Variants in BLK observed in about 807,000 individuals in gnomAD.
BLK encodes BLK proto-oncogene, Src family tyrosine kinase.
A neutral mutation model predicts 61.8 loss-of-function variants in BLK; 64 were observed. That is an observed-to-expected ratio of 1.03 (90% CI 0.85 to 1.27). The LOEUF (loss-of-function observed/expected upper bound fraction) is 1.27. BLK is among the 50% of genes most tolerant of loss of function. BLK has a pLI of 0.00. For missense variants in BLK, 853 were observed against 660.5 expected (o/e 1.29, Z -3.19); for synonymous variants, 351 against 272.0 (o/e 1.29, Z -2.86).
At chr8:11,510,641 G>A (rs1271850846) in intron 1 of BLK, among the ~76,000 whole-genome samples, 1 of 151,950 alleles carries the variant, frequency 6.6e-6, no homozygotes, top group African/African-American at 2.4e-5. Flanking sequence ...CCCCCTTTCT[G>A]GGAATCCGAG....
At position 11,521,834 on chromosome 8, in the gene BLK, G is replaced by A. The variant is rs1162445781; in HGVS notation, c.-1-21390G>A. ...TCTTCATTACTGCAGCTTTTAGTAA[G>A]TGTGGACATCTAGGAGGGGACTCCT... On this transcript the variant is annotated intron_variant, in intron 1 of 12. Transcript: ENST00000259089. Among the ~76,000 whole-genome samples, 3 of 152,130 alleles carry A rather than the reference G, an allele frequency of 2.0e-5. No homozygotes were observed. In the East Asian group the frequency reaches 5.8e-4, roughly 29 times the overall value.
At chr8:11,552,389 A>G (rs888488906) in intron 6 of BLK, 1 of 152,224 alleles carries the variant, frequency 6.6e-6, no homozygotes, top group Non-Finnish European at 1.5e-5. Flanking sequence ...ACATACACAT[A>G]GATATATGCA....
chr8:11,526,135 A>G (rs1799643966), intron 1 of BLK, among the ~76,000 whole-genome samples: 2 of 152,152 alleles, frequency 1.3e-5, no homozygotes, highest in South Asian at 2.1e-4. Flanking sequence ...ACTAATGCCA[A>G]TATCTCTGAG....
In BLK at chr8:11,548,066, CGCT is replaced by C; in HGVS notation, c.211_213del (p.Ala71del). On this transcript the variant is annotated inframe_deletion, in exon 4 of 13. Coordinates refer to ENST00000259089, the MANE Select transcript of BLK (RefSeq NM_001715.3). The stretch of plus-strand genomic sequence containing the variant: ...TCGTGGTGGCTCTGTATGACTACAC[CGCT>C]ATGAATGATCGGGACCTGCAGATGC... 1 of 1,614,072 alleles carries C rather than the reference CGCT, an allele frequency of 6.2e-7. No homozygotes were observed. The highest frequency in any genetic ancestry group is 1.1e-5 in the South Asian group (1 of 91,072).
intron 12 of BLK, 117 bp downstream of exon 12, chr8:11,563,227 G>A (rs1383614355): frequency 1.9e-5 from 27 of 1,445,752 alleles, no homozygotes; most frequent in East Asian, 1.2e-4. Context: ...GTCCCAGAGC[G>A]AAGACGGAGA....
At chr8:11,535,407 C>T (rs1004078741) in intron 1 of BLK, among the ~76,000 whole-genome samples, 3 of 152,348 alleles carry the variant, frequency 2.0e-5, no homozygotes, top group Non-Finnish European at 4.4e-5. Flanking sequence ...CTGTAGCACA[C>T]ACTCTACAAT....
intron 3 of BLK, among the ~76,000 whole-genome samples, chr8:11,546,806 C>T (rs1221016703): frequency 6.6e-6 from 1 of 152,178 alleles, no homozygotes; most frequent in Non-Finnish European, 1.5e-5. Context: ...AAACTCCTGA[C>T]CTCAGGTGAT....
chr8:11,508,681 G>T (rs1798874902), intron 1 of BLK, among the ~76,000 whole-genome samples: 1 of 152,222 alleles, frequency 6.6e-6, no homozygotes, highest in South Asian at 2.1e-4. Context: ...ACGGGGATGT[G>T]CAGAAAGCCA....
At chr8:11,536,101 A>G (rs116448234) in intron 1 of BLK, among the ~76,000 whole-genome samples, 104 of 152,366 alleles carry the variant, frequency 6.8e-4, no homozygotes, top group African/African-American at 2.2e-3. Context: ...ATTGGGTTCA[A>G]TGGCTGGATG....
chr8:11,543,696 C>A (rs761689112), intron 2 of BLK, among the ~76,000 whole-genome samples: 8 of 152,214 alleles, frequency 5.3e-5, no homozygotes, highest in Admixed American at 1.3e-4. Context: ...CCCTATGTGG[C>A]ATTGCTGCTG....
intron 1 of BLK, among the ~76,000 whole-genome samples, chr8:11,508,515 C>G (rs1798869895): frequency 1.3e-5 from 2 of 152,168 alleles, no homozygotes; most frequent in Non-Finnish European, 2.9e-5. Context: ...CCTGTCCACG[C>G]AGTAGCTCCA....
intron 11 of BLK, among the ~76,000 whole-genome samples, chr8:11,561,858 A>C (rs1463111924): frequency 6.7e-6 from 1 of 150,036 alleles, no homozygotes; most frequent in African/African-American, 2.4e-5. Flanking sequence ...AGTCTCTGTC[A>C]CCCAGGCTGG....
At chr8:11,527,372 A>G (rs1190603777) in intron 1 of BLK, among the ~76,000 whole-genome samples, 1 of 152,220 alleles carries the variant, frequency 6.6e-6, no homozygotes, top group Admixed American at 6.5e-5. Context: ...CACCACCCCA[A>G]TAAGTTTCCT....
At chr8:11,561,620 C>T (rs980540493) in intron 11 of BLK, among the ~76,000 whole-genome samples, 168 bp downstream of exon 11, 1 of 152,138 alleles carries the variant, frequency 6.6e-6, no homozygotes, top group African/African-American at 2.4e-5. Context: ...ATGTGTTCAG[C>T]AGAATGGTAG....
intron 1 of BLK, among the ~76,000 whole-genome samples, chr8:11,499,666 G>T (rs1798483821): frequency 1.3e-5 from 2 of 152,294 alleles, no homozygotes; most frequent in African/African-American, 4.8e-5. Context: ...ATGACTCTCA[G>T]ACTCCAGATC....
intron 1 of BLK, among the ~76,000 whole-genome samples, chr8:11,528,614 G>A (rs921653912): frequency 6.6e-6 from 1 of 152,178 alleles, no homozygotes; most frequent in Non-Finnish European, 1.5e-5. Context: ...ATATTTGGGG[G>A]AGGGGTTGAC....
In BLK at chr8:11,564,593, C is replaced by T. The variant is rs1169889920; in HGVS notation, c.*485C>T. ...GGCTTTTCTGCAATAAAGTCACGAG[C>T]GTTCGAGCTGTTCCGTGTCGTTACC... On this transcript the variant is annotated 3_prime_UTR_variant, in exon 13 of 13. Transcript: ENST00000259089. 7.3e-6 allele frequency: 3 copies of T among 411,214 alleles called. No individual in the cohort carries two copies. Among genetic ancestry groups the T allele is most frequent in the South Asian group, 3.5e-5 (2 of 57,040 alleles). 25.5% of individuals were successfully genotyped at this position (411,214 alleles called of 1,614,324 possible). A position where few individuals can be genotyped will look rare whatever the true frequency, so the allele number is the denominator to read the frequency against.
chr8:11,518,348 C>CT (rs1799308132), intron 1 of BLK, among the ~76,000 whole-genome samples: 1 of 152,122 alleles, frequency 6.6e-6, no homozygotes. Context: ...AATGCATTCA[C>CT]TTTTTTAGAA....
At chr8:11,504,367 G>GGAAGGAAGAAAAGAAAAGAAAAGA (rs1554540059) in intron 1 of BLK, among the ~76,000 whole-genome samples, 4 of 39,360 alleles carry the variant, frequency 1.0e-4, no homozygotes, top group Non-Finnish European at 2.8e-4. Context: ...AAGGAAGGAA[G>GGAAGGAAGAAAAGAAAAGAAAAGA]AAAGAAAAGA....
Sources: gnomAD v4.1 joint callset for allele counts (sites outside exome capture counted in the v4.1 genomes callset) on GRCh38, gnomAD v4.1.1 for gene constraint, MANE v1.5 for transcripts, NCBI Gene and HGNC (gene_info 2026-07-23, HGNC 2026-07-21) for gene names.